The following CPNE9 variants were observed in gnomAD, a reference collection of about 807,000 sequenced individuals.
CPNE9 encodes copine family member 9.
In CPNE9, 59 loss-of-function variants were observed where a neutral mutation model predicts 83.0. That is an observed-to-expected ratio of 0.71 (90% CI 0.58 to 0.88). The LOEUF is 0.88. Among genes scored for constraint, CPNE9 ranks in the 40% least tolerant of loss-of-function variants. The probability of loss-of-function intolerance (pLI) is 0.00; values close to 1 mark genes in which losing one functional copy is unlikely to be tolerated. For synonymous variants in CPNE9, 256 were observed against 273.4 expected (o/e 0.94, Z 0.63); for missense variants, 619 against 720.8 (o/e 0.86, Z 1.62).
At chr3:9,715,408 C>G (rs935161966) in intron 12 of CPNE9, 44 bp downstream of exon 12, 1 of 1,611,988 alleles carries the variant, frequency 6.2e-7, no homozygotes, top group Non-Finnish European at 8.5e-7. Context: ...CCCTCCATCC[C>G]AGTGTGCTCA....
intron 7 of CPNE9, among the ~76,000 whole-genome samples, chr3:9,712,323 T>A (rs2076637869): frequency 1.3e-5 from 2 of 152,212 alleles, no homozygotes; most frequent in Non-Finnish European, 2.9e-5. Flanking sequence ...ATGCTACTGT[T>A]GTGAGATGTT....
At chr3:9,705,530 G>A in intron 5 of CPNE9, 30 bp downstream of exon 5, 1 of 1,608,776 alleles carries the variant, frequency 6.2e-7, no homozygotes, top group Non-Finnish European at 8.5e-7. Flanking sequence ...AGGGTTGGCG[G>A]AGCGCACAGG....
intron 5 of CPNE9, 108 bp downstream of exon 5, chr3:9,705,608 C>A: frequency 6.4e-7 from 1 of 1,562,962 alleles, no homozygotes. Flanking sequence ...CCATCTTCTT[C>A]AGGCCCCCAA....
At chr3:9,725,844 A>G in intron 17 of CPNE9, 105 bp from the exon 18 acceptor site, 3 of 845,186 alleles carry the variant, frequency 3.5e-6, no homozygotes, top group Non-Finnish European at 6.1e-6. Context: ...CAGAAGCCCC[A>G]GTTCCTGCCC....
intron 17 of CPNE9, among the ~76,000 whole-genome samples, chr3:9,720,752 T>C (rs189831556): frequency 1.1e-4 from 16 of 152,326 alleles, no homozygotes; most frequent in Admixed American, 5.9e-4. Flanking sequence ...TTAAATATTA[T>C]CTTATGCAAC....
At chr3:9,709,218 G>A (rs2076597554) in intron 7 of CPNE9, among the ~76,000 whole-genome samples, 1 of 147,450 alleles carries the variant, frequency 6.8e-6, no homozygotes, top group Non-Finnish European at 1.5e-5. Context: ...GGAGGTTGCA[G>A]TGAGCCGAGA....
At chr3:9,713,176 G>A in intron 10 of CPNE9, 97 bp downstream of exon 10, 1 of 941,692 alleles carries the variant, frequency 1.1e-6, no homozygotes, top group South Asian at 1.5e-5. Flanking sequence ...AATAGCGTTG[G>A]AGGGTCCTGC....
intron 11 of CPNE9, 127 bp downstream of exon 11, chr3:9,715,082 G>T: frequency 1.1e-6 from 1 of 946,874 alleles, no homozygotes; most frequent in Non-Finnish European, 1.6e-6. Flanking sequence ...AAACACCAGT[G>T]TCTTGGGTAC....
At chr3:9,712,010 C>T (rs1189233372) in intron 7 of CPNE9, among the ~76,000 whole-genome samples, 1 of 152,188 alleles carries the variant, frequency 6.6e-6, no homozygotes, top group Non-Finnish European at 1.5e-5. Flanking sequence ...CCCCAAAGCT[C>T]CCTGCGGGCA....
At chr3:9,711,360 G>A (rs559882298) in intron 7 of CPNE9, among the ~76,000 whole-genome samples, 2 of 150,166 alleles carry the variant, frequency 1.3e-5, no homozygotes, top group African/African-American at 4.8e-5. Flanking sequence ...CCGCCACCAC[G>A]CCCAGCTAAT....
intron 4 of CPNE9, 71 bp downstream of exon 4, chr3:9,705,065 C>T: frequency 8.6e-7 from 1 of 1,158,112 alleles, no homozygotes; most frequent in Non-Finnish European, 1.3e-6. Flanking sequence ...TGGCTGGCCC[C>T]ACCCCCGCCT....
intron 11 of CPNE9, 125 bp downstream of exon 11, chr3:9,715,080 G>T: frequency 1.1e-6 from 1 of 945,842 alleles, no homozygotes; most frequent in South Asian, 1.5e-5. Flanking sequence ...ATAAACACCA[G>T]TGTCTTGGGT....
At chr3:9,727,365 G>A in intron 20 of CPNE9, 179 bp downstream of exon 20, 1 of 781,810 alleles carries the variant, frequency 1.3e-6, no homozygotes, top group Non-Finnish European at 2.3e-6. Flanking sequence ...CTGCAGCCTT[G>A]GCACATCCGT....
chr3:9,710,067 G>C (rs1476142188), intron 7 of CPNE9, among the ~76,000 whole-genome samples: 3 of 151,254 alleles, frequency 2.0e-5, no homozygotes, highest in Non-Finnish European at 4.4e-5. Flanking sequence ...TGTAATCCCA[G>C]CTACTCTGGA....
chr3:9,710,011 A>G (rs908538646), intron 7 of CPNE9, among the ~76,000 whole-genome samples: 7 of 151,876 alleles, frequency 4.6e-5, no homozygotes, highest in African/African-American at 1.7e-4. Flanking sequence ...AAAAAGAAAA[A>G]AAAAATTTAA....
chr3:9,705,531 A>G (rs1260047722), intron 5 of CPNE9, 31 bp downstream of exon 5: 2 of 1,590,146 alleles, frequency 1.3e-6, no homozygotes, highest in African/African-American at 1.4e-5. Flanking sequence ...GGGTTGGCGG[A>G]GCGCACAGGA....
intron 17 of CPNE9, among the ~76,000 whole-genome samples, chr3:9,721,128 T>C (rs576322236): frequency 3.0e-4 from 46 of 152,364 alleles, no homozygotes; most frequent in African/African-American, 1.0e-3. Context: ...GCTGGGGCAC[T>C]GAAGATTCAC....
At position 9,704,136 on chromosome 3, in the gene CPNE9, C is replaced by T; in HGVS notation, c.68+72C>T. On this transcript the variant is annotated intron_variant, in intron 1 of 20. Transcript: ENST00000383832. The surrounding 1 kb of genome is among the most constrained non-coding windows in gnomAD (Gnocchi z 7.1). Reference sequence around the variant, plus strand: ...GCCCCAGCCAGCCGCGGGGCTCAGCCTGGGCAGGGGCTAGACCCCCGGGGA... The same window carrying T: ...GCCCCAGCCAGCCGCGGGGCTCAGCTTGGGCAGGGGCTAGACCCCCGGGGA... 1 of 1,452,604 alleles carries T rather than the reference C, an allele frequency of 6.9e-7. No homozygotes were observed. 90.0% of individuals were successfully genotyped at this position (1,452,604 alleles called of 1,614,324 possible).
intron 17 of CPNE9, among the ~76,000 whole-genome samples, chr3:9,718,982 G>A (rs1393207292): frequency 1.3e-5 from 2 of 151,408 alleles, no homozygotes; most frequent in South Asian, 2.1e-4. Context: ...GATTACTGGC[G>A]CATGCCACCA....
Sources: allele counts gnomAD v4.1 joint callset (sites outside exome capture counted in the v4.1 genomes callset), GRCh38; gene constraint gnomAD v4.1.1; non-coding constraint Gnocchi (gnomAD v3.1); transcripts MANE v1.5; gene names NCBI Gene and HGNC (gene_info 2026-07-23, HGNC 2026-07-21).